Variants in KIF3B observed in about 807,000 individuals in gnomAD.
KIF3B encodes the protein kinesin-like protein KIF3B.
Under a neutral mutation model 74.3 loss-of-function variants are expected in KIF3B, and 38 were observed. That is an observed-to-expected ratio of 0.51 (90% CI 0.39 to 0.67). The LOEUF (loss-of-function observed/expected upper bound fraction) is 0.67, where lower values mean the gene tolerates loss of function less well. Among genes scored for constraint, KIF3B ranks in the 30% least tolerant of loss-of-function variants. The probability of loss-of-function intolerance (pLI) is 0.00; values close to 1 mark genes in which losing one functional copy is unlikely to be tolerated. For missense variants in KIF3B, 649 were observed against 932.0 expected (o/e 0.70, Z 3.95); for synonymous variants, 326 against 342.5 (o/e 0.95, Z 0.53).
At position 32,330,171 on chromosome 20, in the gene KIF3B, A is replaced by G; in HGVS notation, c.1999A>G (p.Met667Val). The change falls in exon 8 of 9, where the codon ATG becomes GTG. Residue 667 changes from methionine (M) to valine (V), a missense_variant. This residue lies in a region of KIF3B where 186 missense variants were observed against 198.5 expected (regional missense o/e 0.94). Coordinates refer to ENST00000375712, the MANE Select transcript of KIF3B (RefSeq NM_004798.4). ...AENIVLLELD[M>V]PSRTTRDYEG... is the part of the protein sequence containing the mutation. ...AAACATTGTGCTGTTAGAGCTGGACATGCCCAGCCGGACCACCAGAGACTA... is the reference window on the plus strand; with the variant it reads ...AAACATTGTGCTGTTAGAGCTGGACGTGCCCAGCCGGACCACCAGAGACTA... 1.9e-6 allele frequency: 3 copies of G among 1,614,024 alleles called. No homozygotes were observed. Among genetic ancestry groups the G allele is most frequent in the Non-Finnish European group, 2.5e-6 (3 of 1,179,962 alleles).
chr20:32,329,353 T>TC (rs1288779493), intron 7 of KIF3B, among the ~76,000 whole-genome samples: 1 of 149,096 alleles, frequency 6.7e-6, no homozygotes, highest in Non-Finnish European at 1.5e-5. Context: ...TTTTTTTCTT[T>TC]TTTTTTTTTT....
At chr20:32,330,872 G>C (rs1377400684) in intron 8 of KIF3B, among the ~76,000 whole-genome samples, 4 of 152,232 alleles carry the variant, frequency 2.6e-5, no homozygotes, top group Non-Finnish European at 5.9e-5. Flanking sequence ...TTACATCCTG[G>C]ATTAAAAGTT....
intron 1 of KIF3B, among the ~76,000 whole-genome samples, chr20:32,306,706 T>C (rs2047773529): frequency 6.7e-6 from 1 of 150,278 alleles, no homozygotes; most frequent in Non-Finnish European, 1.5e-5. Context: ...GCAATTCTCC[T>C]GTCTCAGCCT....
rs190929193 is a variant in KIF3B at position 32,308,794 on chromosome 20, C to T, written c.-65-919C>T. Among the ~76,000 whole-genome samples the T allele has an allele frequency of 1.2e-4, 18 of 150,344 alleles. No individual in the cohort carries two copies. In the East Asian group the frequency reaches 2.5e-3, roughly 21 times the overall value. On this transcript the variant is annotated intron_variant, in intron 1 of 8. Transcript: ENST00000375712. ...AGGCTGGAGCGCAGTGCCAGGATCT[C>T]GGCCTCTGCCTCCCAGGTTCACGCC...
rs1450135063 is a variant in KIF3B at position 32,334,479 on chromosome 20, T to TTC, written c.*3162_*3163dup. On this transcript the variant is annotated 3_prime_UTR_variant, in exon 9 of 9. Coordinates refer to ENST00000375712, the MANE Select transcript of KIF3B (RefSeq NM_004798.4). ...ACTGAATGTAGAATCGTTGCCAAGTTTCTGAGAAGTGTCGATTCCCTGTTA... is the reference window on the plus strand; with the variant it reads ...ACTGAATGTAGAATCGTTGCCAAGTTTCTCTGAGAAGTGTCGATTCCCTGTTA... 1 of 152,610 alleles carries TTC rather than the reference T, an allele frequency of 6.6e-6. No homozygotes were observed. The highest frequency in any genetic ancestry group is 1.5e-5 in the Non-Finnish European group (1 of 68,040). 9.5% of individuals were successfully genotyped at this position (152,610 alleles called of 1,614,324 possible).
intron 2 of KIF3B, among the ~76,000 whole-genome samples, chr20:32,315,321 C>A (rs1038487354): frequency 6.6e-6 from 1 of 152,188 alleles, no homozygotes; most frequent in African/African-American, 2.4e-5. Flanking sequence ...ACAAAACAAT[C>A]TTTTTTTCTT....
In KIF3B at chr20:32,284,084, T is replaced by TA. The variant is rs760273892; in HGVS notation, c.-66+6331dup. On this transcript the variant is annotated intron_variant, in intron 1 of 8. Coordinates refer to ENST00000375712, the MANE Select transcript of KIF3B (RefSeq NM_004798.4). ...GTGCATGCCACTACACCCAGCTAATTAAAAAAAAAAAATTTTTGTTTTTAA... is the reference window on the plus strand; with the variant it reads ...GTGCATGCCACTACACCCAGCTAATTAAAAAAAAAAAAATTTTTGTTTTTAA... Among the ~76,000 whole-genome samples the TA allele has an allele frequency of 9.9e-3, 1,465 of 148,066 alleles. 10 individuals carry two copies. The highest frequency in any genetic ancestry group is 0.016 in the Non-Finnish European group (1,083 of 66,730).
Position 32,295,324 on chromosome 20 carries a change from G to A in KIF3B, c.-65-14389G>A, listed in dbSNP as rs1241527255. Among the ~76,000 whole-genome samples, 2 of 150,486 alleles carry A rather than the reference G, an allele frequency of 1.3e-5. 1 individual carries two copies. Among genetic ancestry groups the A allele is most frequent in the South Asian group, 4.2e-4 (2 of 4,756 alleles). On this transcript the variant is annotated intron_variant, in intron 1 of 8. Coordinates refer to ENST00000375712, the MANE Select transcript of KIF3B (RefSeq NM_004798.4). ...TTTTTTTCTTTTGTGACAGAATCTC[G>A]CTCTGTCGCCCAGGCTGGAGTGCAG...
chr20:32,324,912 T>G (rs1239170518), intron 5 of KIF3B, among the ~76,000 whole-genome samples: 1 of 152,052 alleles, frequency 6.6e-6, no homozygotes, highest in East Asian at 1.9e-4. Context: ...GTGTCTATAG[T>G]CTCAGCTACT....
chr20:32,317,758 C>T (rs1207385470), intron 5 of KIF3B, among the ~76,000 whole-genome samples: 2 of 151,972 alleles, frequency 1.3e-5, no homozygotes, highest in East Asian at 3.9e-4. Context: ...CCACCTTAGC[C>T]TCCCGGGTAG....
intron 1 of KIF3B, among the ~76,000 whole-genome samples, chr20:32,299,744 A>G (rs1399486596): frequency 1.3e-5 from 2 of 151,708 alleles, no homozygotes; most frequent in African/African-American, 2.4e-5. Context: ...ATCATATTTT[A>G]TTATTCAATT....
chr20:32,330,053 C>G, intron 7 of KIF3B, 88 bp from the exon 8 acceptor site: 1 of 1,225,226 alleles, frequency 8.2e-7, no homozygotes, highest in Non-Finnish European at 1.1e-6. Context: ...GCAATTTGCA[C>G]TTCTATTCTT....
intron 1 of KIF3B, among the ~76,000 whole-genome samples, chr20:32,287,126 A>C (rs567650839): frequency 2.6e-5 from 4 of 152,348 alleles, no homozygotes; most frequent in African/African-American, 7.2e-5. Context: ...ATGTTTGCTT[A>C]ACATTATTTC....
At chr20:32,279,591 A>G (rs1171095962) in intron 1 of KIF3B, among the ~76,000 whole-genome samples, 4 of 151,460 alleles carry the variant, frequency 2.6e-5, no homozygotes, top group South Asian at 2.1e-4. Context: ...TCAGCCTCCC[A>G]AGTAGCTGGG....
At chr20:32,291,439 C>T (rs1298884413) in intron 1 of KIF3B, among the ~76,000 whole-genome samples, 3 of 152,016 alleles carry the variant, frequency 2.0e-5, no homozygotes, top group Non-Finnish European at 4.4e-5. Context: ...TATAACCTTC[C>T]ATGCACCCCA....
intron 1 of KIF3B, among the ~76,000 whole-genome samples, chr20:32,296,592 G>A (rs886544851): frequency 4.0e-5 from 6 of 151,424 alleles, no homozygotes; most frequent in Non-Finnish European, 7.4e-5. Context: ...AGTGAAACTC[G>A]GTCTGAAGAA....
At chr20:32,298,141 A>T (rs969621129) in intron 1 of KIF3B, among the ~76,000 whole-genome samples, 7 of 146,948 alleles carry the variant, frequency 4.8e-5, no homozygotes, top group African/African-American at 1.2e-4. Flanking sequence ...TTTTTGAATT[A>T]AAAAAAAAAA....
At chr20:32,316,727 C>G (rs1327759129) in intron 4 of KIF3B, 29 bp from the exon 5 acceptor site, 1 of 1,612,966 alleles carries the variant, frequency 6.2e-7, no homozygotes, top group Non-Finnish European at 8.5e-7. Flanking sequence ...GACAGACACC[C>G]TCCTCACCTG....
intron 5 of KIF3B, among the ~76,000 whole-genome samples, chr20:32,323,747 G>A (rs1226700104): frequency 2.6e-5 from 4 of 151,878 alleles, no homozygotes; most frequent in East Asian, 1.9e-4. Flanking sequence ...GTGTGGTGGC[G>A]GGCGCCTGTA....
Sources: allele counts gnomAD v4.1 joint callset (sites outside exome capture counted in the v4.1 genomes callset), GRCh38; gene constraint gnomAD v4.1.1; regional missense constraint gnomAD v4.1.1; transcripts MANE v1.5; gene names NCBI Gene and HGNC (gene_info 2026-07-23, HGNC 2026-07-21).